The following TUSC3 variants were observed in gnomAD, a reference collection of about 807,000 sequenced individuals.
TUSC3 encodes the protein dolichyl-diphosphooligosaccharide--protein glycosyltransferase subunit TUSC3.
A neutral mutation model predicts 44.8 loss-of-function variants in TUSC3; 45 were observed. The ratio of observed to expected loss-of-function variants is 1.00; its 90% confidence interval spans 0.79 to 1.29. The LOEUF (loss-of-function observed/expected upper bound fraction) is 1.29, where lower values mean the gene tolerates loss of function less well. TUSC3 is among the 50% of genes most tolerant of loss of function. The pLI, the probability that TUSC3 is intolerant of heterozygous loss-of-function variation, is 0.00. For synonymous variants in TUSC3, 212 were observed against 152.9 expected, an observed-to-expected ratio of 1.39 and a Z score of -2.85; for missense variants, 519 against 437.9, an observed-to-expected ratio of 1.19 and a Z score of -1.65.
At chr8:15,621,637 A>G (rs1805250495) in intron 1 of TUSC3, among the ~76,000 whole-genome samples, 1 of 148,098 alleles carries the variant, frequency 6.8e-6, no homozygotes, top group Non-Finnish European at 1.5e-5. Context: ...ATATAGATAA[A>G]TCTATATAGA....
At chr8:15,439,974 T>C (rs558350713) in intron 1 of TUSC3, among the ~76,000 whole-genome samples, 2 of 152,332 alleles carry the variant, frequency 1.3e-5, no homozygotes, top group South Asian at 4.1e-4. Context: ...AATTATATAG[T>C]GAGTGTCCAC....
intron 1 of TUSC3, among the ~76,000 whole-genome samples, chr8:15,465,566 A>G (rs943192074): frequency 6.6e-6 from 1 of 152,220 alleles, no homozygotes; most frequent in Non-Finnish European, 1.5e-5. Flanking sequence ...ATATTTAATA[A>G]AATGTGATCA....
chr8:15,564,368 A>C (rs934477501), intron 1 of TUSC3, among the ~76,000 whole-genome samples: 3 of 152,170 alleles, frequency 2.0e-5, no homozygotes, highest in African/African-American at 2.4e-5. Flanking sequence ...TCTTAACGTC[A>C]TCCAGCTGTC....
At chr8:15,482,451 C>G (rs371917954) in intron 1 of TUSC3, among the ~76,000 whole-genome samples, 2 of 152,266 alleles carry the variant, frequency 1.3e-5, no homozygotes, top group South Asian at 2.1e-4. Context: ...GATAGCACAC[C>G]TGTTTAAAGT....
chr8:15,828,682 A>T, the TUSC3 span, among the ~76,000 whole-genome samples: 1 of 152,228 alleles, frequency 6.6e-6, no homozygotes, highest in East Asian at 1.9e-4. Context: ...AGTAAAACAC[A>T]TTGTAAATAA....
intron 1 of TUSC3, among the ~76,000 whole-genome samples, chr8:15,443,892 G>A (rs1800056811): frequency 6.6e-6 from 1 of 151,730 alleles, no homozygotes; most frequent in African/African-American, 2.4e-5. Flanking sequence ...CCCCACCCGG[G>A]AACTGACTCA....
At chr8:15,429,559 G>A (rs1023965719) in intron 1 of TUSC3, among the ~76,000 whole-genome samples, 3 of 127,848 alleles carry the variant, frequency 2.3e-5, no homozygotes, top group Admixed American at 1.4e-4. Flanking sequence ...ATTACCTTGT[G>A]CAGTATGGCC....
intron 10 of TUSC3, 39 bp downstream of exon 10, chr8:15,757,894 A>AT: frequency 6.9e-7 from 1 of 1,452,942 alleles, no homozygotes; most frequent in Non-Finnish European, 9.7e-7. Context: ...AGTTTTCCTC[A>AT]TTTTTCAAAT....
the TUSC3 span, among the ~76,000 whole-genome samples, chr8:15,798,625 C>T: frequency 7.4e-6 from 1 of 135,468 alleles, no homozygotes; most frequent in Non-Finnish European, 1.6e-5. Context: ...TTTGTTCATC[C>T]CAGTCAGTAC....
chr8:15,804,034 G>A, the TUSC3 span, among the ~76,000 whole-genome samples: 1 of 152,224 alleles, frequency 6.6e-6, no homozygotes, highest in African/African-American at 2.4e-5. Context: ...CTTTATAGTA[G>A]AATGATTTAT....
the TUSC3 span, among the ~76,000 whole-genome samples, chr8:15,803,482 A>G: frequency 6.6e-6 from 1 of 152,182 alleles, no homozygotes; most frequent in Non-Finnish European, 1.5e-5. Context: ...ACAACAAAAT[A>G]TATTTTTCTT....
At chr8:15,751,641 G>A (rs1811708745) in intron 9 of TUSC3, among the ~76,000 whole-genome samples, 1 of 151,644 alleles carries the variant, frequency 6.6e-6, no homozygotes, top group African/African-American at 2.4e-5. Flanking sequence ...TAAATTAATT[G>A]TCTGTTTCTT....
At chr8:15,625,638 G>C (rs138473767) in intron 2 of TUSC3, among the ~76,000 whole-genome samples, 1 of 152,208 alleles carries the variant, frequency 6.6e-6, no homozygotes, top group African/African-American at 2.4e-5. Flanking sequence ...TTGTAGACTT[G>C]GTTTAGGCTT....
intron 6 of TUSC3, among the ~76,000 whole-genome samples, chr8:15,696,683 G>A (rs1048244629): frequency 6.6e-6 from 1 of 152,152 alleles, no homozygotes; most frequent in African/African-American, 2.4e-5. Context: ...ACGTTGTTGG[G>A]TTCAGTTAGC....
intron 4 of TUSC3, among the ~76,000 whole-genome samples, chr8:15,660,574 A>C (rs994219635): frequency 6.6e-6 from 1 of 151,966 alleles, no homozygotes; most frequent in Admixed American, 6.6e-5. Flanking sequence ...GCAGGCAGTA[A>C]TACAGAAGCA....
At chr8:15,617,871 A>C (rs2129162031) in intron 1 of TUSC3, among the ~76,000 whole-genome samples, 1 of 152,298 alleles carries the variant, frequency 6.6e-6, no homozygotes, top group South Asian at 2.1e-4. Context: ...GTGTTATTTA[A>C]AGACAAAAGT....
At chr8:15,497,314 G>A (rs1458904904) in intron 2 of TUSC3, among the ~76,000 whole-genome samples, 3 of 152,178 alleles carry the variant, frequency 2.0e-5, no homozygotes, top group East Asian at 1.9e-4. Context: ...AAAGCAGTGG[G>A]ACACAATAGA....
At chr8:15,571,904 A>C (rs964118275) in intron 1 of TUSC3, among the ~76,000 whole-genome samples, 1 of 152,096 alleles carries the variant, frequency 6.6e-6, no homozygotes. Flanking sequence ...CTGGGCTTCA[A>C]ATATTCAGTA....
intron 1 of TUSC3, among the ~76,000 whole-genome samples, chr8:15,444,063 G>A (rs555026158): frequency 6.6e-6 from 1 of 152,168 alleles, no homozygotes; most frequent in Non-Finnish European, 1.5e-5. Context: ...AACCAGTTCT[G>A]TATGAATTAC....
Sources: gnomAD v4.1 joint callset for allele counts (sites outside exome capture counted in the v4.1 genomes callset) on GRCh38, gnomAD v4.1.1 for gene constraint, MANE v1.5 for transcripts, NCBI Gene and HGNC (gene_info 2026-07-23, HGNC 2026-07-21) for gene names.